Variants in PLCB4 observed in about 807,000 individuals in gnomAD.
PLCB4 encodes phospholipase C beta 4.
In PLCB4, 77 loss-of-function variants were observed where a neutral mutation model predicts 178.8. That is an observed-to-expected ratio of 0.43 (90% confidence interval 0.36 to 0.52). The LOEUF (loss-of-function observed/expected upper bound fraction) is 0.52. Ranked by LOEUF, PLCB4 falls within the 20% of genes least tolerant of loss-of-function variation. The pLI, the probability that PLCB4 is intolerant of heterozygous loss-of-function variation, is 0.00. For synonymous variants in PLCB4, 496 were observed against 490.8 expected, an observed-to-expected ratio of 1.01 and a Z score of -0.14; for missense variants, 1,024 against 1,453.4, an observed-to-expected ratio of 0.70 and a Z score of 4.80.
intron 4 of PLCB4, among the ~76,000 whole-genome samples, chr20:9,322,721 A>G (rs1164685218): frequency 1.3e-5 from 2 of 152,214 alleles, no homozygotes; most frequent in African/African-American, 4.8e-5. Flanking sequence ...TTGCCAGGAT[A>G]TTGTTTGCAA....
intron 4 of PLCB4, among the ~76,000 whole-genome samples, chr20:9,311,351 G>A (rs2094831350): frequency 6.6e-6 from 1 of 152,130 alleles, no homozygotes; most frequent in African/African-American, 2.4e-5. Context: ...CAAGGATGTT[G>A]TATAAAGTAG....
chr20:9,383,931 C>T (rs975572538), intron 13 of PLCB4, among the ~76,000 whole-genome samples: 2 of 152,126 alleles, frequency 1.3e-5, no homozygotes, highest in Non-Finnish European at 2.9e-5. Context: ...CCATAACTCC[C>T]AGTGCTGTGT....
intron 15 of PLCB4, among the ~76,000 whole-genome samples, chr20:9,389,232 G>A (rs2037931659): frequency 6.6e-6 from 1 of 152,158 alleles, no homozygotes; most frequent in Non-Finnish European, 1.5e-5. Flanking sequence ...CTGTAATTAA[G>A]TTCTGTGTTA....
intron 2 of PLCB4, among the ~76,000 whole-genome samples, chr20:9,193,224 GA>G (rs1385320610): frequency 2.4e-4 from 36 of 152,326 alleles, no homozygotes; most frequent in Admixed American, 1.0e-3. Flanking sequence ...ATGATCGCAG[GA>G]AATACTGGTA....
intron 2 of PLCB4, among the ~76,000 whole-genome samples, chr20:9,178,428 A>G (rs2093190329): frequency 6.6e-6 from 1 of 152,110 alleles, no homozygotes; most frequent in African/African-American, 2.4e-5. Flanking sequence ...TCTTAGGGCA[A>G]AAACATTTTA....
At chr20:9,121,415 C>A (rs1445864805) in intron 2 of PLCB4, among the ~76,000 whole-genome samples, 2 of 152,154 alleles carry the variant, frequency 1.3e-5, no homozygotes, top group Non-Finnish European at 1.5e-5. Context: ...GCCCTAATTT[C>A]TCACCATTTT....
At chr20:9,271,640 T>C (rs1240165060) in intron 3 of PLCB4, among the ~76,000 whole-genome samples, 2 of 152,132 alleles carry the variant, frequency 1.3e-5, no homozygotes, top group African/African-American at 4.8e-5. Context: ...TTCCGAACAA[T>C]GTGAAGTGTG....
At chr20:9,095,695 G>T (rs971565088) in intron 1 of PLCB4, among the ~76,000 whole-genome samples, 1 of 151,932 alleles carries the variant, frequency 6.6e-6, no homozygotes, top group Non-Finnish European at 1.5e-5. Context: ...AAAATCAGAG[G>T]TATCCTGTTT....
At chr20:9,471,628 A>G (rs2044196826) in intron 36 of PLCB4, among the ~76,000 whole-genome samples, 2 of 152,248 alleles carry the variant, frequency 1.3e-5, no homozygotes, top group African/African-American at 4.8e-5. Context: ...TCAAGAAGTT[A>G]TAGGTCTTTT....
chr20:9,239,862 A>T (rs1475709037), intron 3 of PLCB4, among the ~76,000 whole-genome samples: 1 of 152,148 alleles, frequency 6.6e-6, no homozygotes, highest in Non-Finnish European at 1.5e-5. Context: ...CAAGAGTCCA[A>T]AAGCTGAAGA....
chr20:9,164,557 T>G (rs1279418692), intron 2 of PLCB4, among the ~76,000 whole-genome samples: 8 of 152,204 alleles, frequency 5.3e-5, no homozygotes, highest in Non-Finnish European at 1.2e-4. Flanking sequence ...GAAGACATTT[T>G]AAAATTATAT....
At chr20:9,128,558 T>C (rs1485727876) in intron 2 of PLCB4, among the ~76,000 whole-genome samples, 2 of 152,318 alleles carry the variant, frequency 1.3e-5, no homozygotes, top group East Asian at 3.9e-4. Context: ...CTAATTTTTG[T>C]ATTTTTAGTA....
chr20:9,120,666 A>T (rs995658939), intron 2 of PLCB4, among the ~76,000 whole-genome samples: 2 of 152,038 alleles, frequency 1.3e-5, no homozygotes, highest in Non-Finnish European at 2.9e-5. Flanking sequence ...CCCTTGACCC[A>T]AGCTCACCTC....
chr20:9,183,702 G>T (rs990204480), intron 2 of PLCB4, among the ~76,000 whole-genome samples: 1 of 152,138 alleles, frequency 6.6e-6, no homozygotes, highest in Admixed American at 6.5e-5. Flanking sequence ...TATACAAATT[G>T]AATTAGGGAA....
intron 1 of PLCB4, among the ~76,000 whole-genome samples, chr20:9,079,831 AT>A (rs11476173): frequency 0.62 from 94,283 of 151,110 alleles, 29,453 homozygotes; most frequent in South Asian, 0.72. Flanking sequence ...CATTAAAAAA[AT>A]TTTTTTTTTA....
At chr20:9,408,568 T>C in intron 22 of PLCB4, 65 bp from the exon 23 acceptor site, 1 of 752,880 alleles carries the variant, frequency 1.3e-6, no homozygotes. Context: ...CATTTATTTA[T>C]TGCTGTTTTT....
intron 2 of PLCB4, among the ~76,000 whole-genome samples, chr20:9,127,052 T>G (rs1265391305): frequency 6.6e-6 from 1 of 152,148 alleles, no homozygotes; most frequent in East Asian, 1.9e-4. Flanking sequence ...TAGATGGGAA[T>G]TACTTTCCAC....
intron 12 of PLCB4, among the ~76,000 whole-genome samples, chr20:9,378,295 A>G (rs2036846755): frequency 6.6e-6 from 1 of 152,188 alleles, no homozygotes; most frequent in African/African-American, 2.4e-5. Flanking sequence ...GAAGATAAAT[A>G]AAGTGGCCAC....
intron 32 of PLCB4, among the ~76,000 whole-genome samples, chr20:9,445,369 T>G (rs2042353638): frequency 6.6e-6 from 1 of 152,246 alleles, no homozygotes; most frequent in Non-Finnish European, 1.5e-5. Flanking sequence ...CTTTATTCTC[T>G]GACCCAAGCC....
Sources: gnomAD v4.1 joint callset for allele counts (sites outside exome capture counted in the v4.1 genomes callset) on GRCh38, gnomAD v4.1.1 for gene constraint, MANE v1.5 for transcripts, NCBI Gene and HGNC (gene_info 2026-07-23, HGNC 2026-07-21) for gene names.